The following VRK1 variants were observed in gnomAD, a reference collection of about 807,000 sequenced individuals.
VRK1 encodes the protein VRK serine/threonine kinase 1, also known as serine/threonine-protein kinase VRK1.
VRK1 carries 33 observed loss-of-function variants against 57.1 expected under a neutral mutation model. The observed-to-expected ratio is 0.58, with a 90% CI of 0.44 to 0.77. The LOEUF (loss-of-function observed/expected upper bound fraction) is 0.77, where lower values mean the gene tolerates loss of function less well. Ranked by LOEUF, VRK1 falls within the 30% of genes least tolerant of loss-of-function variation. The probability of loss-of-function intolerance (pLI) is 0.00; values close to 1 mark genes in which losing one functional copy is unlikely to be tolerated. For synonymous variants in VRK1, 137 were observed against 147.8 expected, an observed-to-expected ratio of 0.93 and a Z score of 0.53; for missense variants, 413 against 477.3, an observed-to-expected ratio of 0.87 and a Z score of 1.25.
At chr14:96,876,411 T>A (rs75380044) in intron 12 of VRK1, among the ~76,000 whole-genome samples, 12,774 of 152,192 alleles carry the variant, frequency 0.084, 705 homozygotes, top group Non-Finnish European at 0.13. Flanking sequence ...GATGTGTGCC[T>A]GTAGTCTCAG....
rs867729287 is a variant in VRK1, at chr14:96,853,536, T to C, written c.576+370T>C. ...AGAAATCCATCAAATGTAAGTGTTC[T>C]ATTACTTGGAAAATTTGGTCTTTAA... On this transcript the variant is annotated intron_variant, in intron 7 of 12. Coordinates refer to ENST00000216639, the MANE Select transcript of VRK1 (RefSeq NM_003384.3). Among the ~76,000 whole-genome samples, 11 of 152,150 alleles carry C rather than the reference T, an allele frequency of 7.2e-5. No individual in the cohort carries two copies. In the South Asian group the frequency reaches 1.2e-3, roughly 17 times the overall value.
intron 1 of VRK1, among the ~76,000 whole-genome samples, chr14:96,825,135 G>T (rs1886752367): frequency 6.6e-6 from 1 of 152,118 alleles, no homozygotes; most frequent in Admixed American, 6.5e-5. Flanking sequence ...ATAGGAGGAG[G>T]ATAGTTTCTT....
intron 3 of VRK1, among the ~76,000 whole-genome samples, chr14:96,843,711 T>C (rs1887560226): frequency 1.3e-5 from 2 of 152,220 alleles, no homozygotes; most frequent in Non-Finnish European, 2.9e-5. Flanking sequence ...GGCAAAGTAT[T>C]TTAGATTTGA....
At chr14:96,824,265 C>A (rs1232025523) in intron 1 of VRK1, among the ~76,000 whole-genome samples, 1 of 152,164 alleles carries the variant, frequency 6.6e-6, no homozygotes, top group Non-Finnish European at 1.5e-5. Context: ...AATGAAAGCT[C>A]ATTTCATCTT....
chr14:96,870,550 C>T (rs1002222828), intron 11 of VRK1, among the ~76,000 whole-genome samples: 1 of 152,162 alleles, frequency 6.6e-6, no homozygotes, highest in African/African-American at 2.4e-5. Context: ...CTGGAAACAG[C>T]TTTCGTCTTG....
intron 1 of VRK1, among the ~76,000 whole-genome samples, chr14:96,826,925 A>C (rs1886818130): frequency 6.6e-6 from 1 of 152,306 alleles, no homozygotes; most frequent in Non-Finnish European, 1.5e-5. Flanking sequence ...GAACTAGAAA[A>C]TAAGGAGCTG....
intron 1 of VRK1, among the ~76,000 whole-genome samples, chr14:96,812,701 G>A (rs1351539534): frequency 6.6e-6 from 1 of 152,072 alleles, no homozygotes; most frequent in African/African-American, 2.4e-5. Context: ...TGTTCGTTCT[G>A]TATTAAGCAG....
At chr14:96,814,839 A>C (rs1343176955) in intron 1 of VRK1, among the ~76,000 whole-genome samples, 1 of 152,202 alleles carries the variant, frequency 6.6e-6, no homozygotes, top group African/African-American at 2.4e-5. Context: ...TATTTTTAAA[A>C]CTGCCTAATA....
chr14:96,801,506 A>G (rs1190174275), intron 1 of VRK1, among the ~76,000 whole-genome samples: 1 of 152,162 alleles, frequency 6.6e-6, no homozygotes. Flanking sequence ...GCAGTTTACT[A>G]TGTAATTTGG....
chr14:96,849,162 A>C (rs1887842982), intron 5 of VRK1, among the ~76,000 whole-genome samples: 1 of 152,216 alleles, frequency 6.6e-6, no homozygotes, highest in South Asian at 2.1e-4. Flanking sequence ...GCAAGGGATG[A>C]GGTGACATGG....
chr14:96,857,908 G>A (rs1888231070), intron 10 of VRK1, among the ~76,000 whole-genome samples: 1 of 152,110 alleles, frequency 6.6e-6, no homozygotes, highest in African/African-American at 2.4e-5. Context: ...CCAAATATTT[G>A]TGTTTAAAAT....
chr14:96,801,097 T>TTCTTTTTGAGGACCG (rs1470159191), intron 1 of VRK1, among the ~76,000 whole-genome samples: 1 of 152,190 alleles, frequency 6.6e-6, no homozygotes, highest in Admixed American at 6.5e-5. Context: ...TTATTTTATT[T>TTCTTTTTGAGGACCG]TCTTTTTGAG....
At chr14:96,831,906 T>C (rs1595659090) in intron 1 of VRK1, among the ~76,000 whole-genome samples, 1 of 152,218 alleles carries the variant, frequency 6.6e-6, no homozygotes, top group Non-Finnish European at 1.5e-5. Flanking sequence ...GGTGTAAAAG[T>C]AACCTTTCTT....
chr14:96,808,864 G>T (rs959348592), intron 1 of VRK1, among the ~76,000 whole-genome samples: 5 of 152,108 alleles, frequency 3.3e-5, no homozygotes, highest in Non-Finnish European at 5.9e-5. Context: ...ATTTTATTAT[G>T]CTCATGGATT....
intron 3 of VRK1, among the ~76,000 whole-genome samples, chr14:96,842,698 T>TTA (rs1439535197): frequency 6.6e-6 from 1 of 152,194 alleles, no homozygotes; most frequent in African/African-American, 2.4e-5. Context: ...TCAATCCTGG[T>TTA]TGTAGAGTAT....
At chr14:96,798,573 T>G (rs1885534139) in intron 1 of VRK1, among the ~76,000 whole-genome samples, 1 of 152,024 alleles carries the variant, frequency 6.6e-6, no homozygotes, top group Non-Finnish European at 1.5e-5. Context: ...TTTTCTTTTC[T>G]TCTTCTTTTT....
At chr14:96,853,785 T>C (rs1056662441) in intron 7 of VRK1, among the ~76,000 whole-genome samples, 1 of 152,128 alleles carries the variant, frequency 6.6e-6, no homozygotes, top group Non-Finnish European at 1.5e-5. Flanking sequence ...TGTATAACTG[T>C]TTCTGTGATT....
chr14:96,832,903 C>G (rs1232895040), intron 1 of VRK1, among the ~76,000 whole-genome samples: 1 of 152,084 alleles, frequency 6.6e-6, no homozygotes, highest in Non-Finnish European at 1.5e-5. Flanking sequence ...CACCACTTAC[C>G]AGCTTGCTGA....
intron 3 of VRK1, among the ~76,000 whole-genome samples, chr14:96,840,851 A>G (rs1223711081): frequency 2.1e-5 from 3 of 145,276 alleles, no homozygotes; most frequent in Admixed American, 6.9e-5. Flanking sequence ...GTTCTGTATA[A>G]CTTGAACTTT....
Sources: allele counts gnomAD v4.1 joint callset (sites outside exome capture counted in the v4.1 genomes callset), GRCh38; gene constraint gnomAD v4.1.1; transcripts MANE v1.5; gene names NCBI Gene and HGNC (gene_info 2026-07-23, HGNC 2026-07-21).